BACH2: variants seen among roughly 807,000 people sequenced by gnomAD.
BACH2 encodes the protein transcription regulator protein BACH2.
A neutral mutation model predicts 61.8 loss-of-function variants in BACH2; 5 were observed. The observed-to-expected ratio is 0.08, with a 90% CI of 0.04 to 0.17. BACH2 has a LOEUF of 0.17. Ranked by LOEUF, BACH2 falls within the 10% of genes least tolerant of loss-of-function variation. BACH2 has a pLI of 1.00. For missense variants in BACH2, 824 were observed against 1,091.1 expected, an observed-to-expected ratio of 0.76 and a Z score of 3.45; for synonymous variants, 446 against 440.1, an observed-to-expected ratio of 1.01 and a Z score of -0.17.
intron 5 of BACH2, among the ~76,000 whole-genome samples, chr6:90,037,100 G>T (rs1348264182): frequency 6.6e-6 from 1 of 152,104 alleles, no homozygotes; most frequent in African/African-American, 2.4e-5. Context: ...AGAACCATGG[G>T]ATTCATTATA....
At chr6:89,958,916 T>C (rs1437867090) in intron 6 of BACH2, among the ~76,000 whole-genome samples, 2 of 152,154 alleles carry the variant, frequency 1.3e-5, no homozygotes, top group Admixed American at 1.3e-4. Context: ...GGCTAGATGG[T>C]TTGCAGGGCC....
At chr6:90,167,246 T>C (rs950846803) in intron 4 of BACH2, among the ~76,000 whole-genome samples, 3 of 152,172 alleles carry the variant, frequency 2.0e-5, no homozygotes, top group African/African-American at 7.2e-5. Flanking sequence ...GAGTAAAATG[T>C]TTTAAAAAAC....
At chr6:90,039,763 C>T (rs1247398309) in intron 5 of BACH2, among the ~76,000 whole-genome samples, 1 of 152,104 alleles carries the variant, frequency 6.6e-6, no homozygotes, top group Non-Finnish European at 1.5e-5. Flanking sequence ...AAAACCCCTG[C>T]CTGTTTGGCA....
At chr6:90,065,997 C>T (rs1160239429) in intron 5 of BACH2, among the ~76,000 whole-genome samples, 1 of 152,182 alleles carries the variant, frequency 6.6e-6, no homozygotes, top group Non-Finnish European at 1.5e-5. Flanking sequence ...TAGAATATGA[C>T]AGTTCCCTAA....
intron 7 of BACH2, among the ~76,000 whole-genome samples, chr6:89,944,910 CTG>C (rs1773639860): frequency 6.6e-6 from 1 of 152,126 alleles, no homozygotes; most frequent in East Asian, 1.9e-4. Flanking sequence ...TGGAAAATGA[CTG>C]TAATTTTCTA....
chr6:90,033,339 C>T (rs527951142), intron 5 of BACH2, among the ~76,000 whole-genome samples: 2 of 148,198 alleles, frequency 1.3e-5, no homozygotes, highest in East Asian at 3.9e-4. Context: ...CACATGTACC[C>T]TGAAACTTAA....
intron 5 of BACH2, among the ~76,000 whole-genome samples, chr6:90,047,082 C>T (rs1436936999): frequency 6.6e-6 from 1 of 152,176 alleles, no homozygotes; most frequent in African/African-American, 2.4e-5. Context: ...AGGCATCTGC[C>T]ATTACGCAGG....
intron 5 of BACH2, among the ~76,000 whole-genome samples, chr6:90,028,198 G>T (rs1044213539): frequency 6.6e-6 from 1 of 152,152 alleles, no homozygotes; most frequent in Non-Finnish European, 1.5e-5. Context: ...TACTCTGCTC[G>T]CATCAGGAAT....
chr6:90,149,740 A>G (rs1325100877), intron 4 of BACH2, among the ~76,000 whole-genome samples: 1 of 152,208 alleles, frequency 6.6e-6, no homozygotes, highest in East Asian at 1.9e-4. Flanking sequence ...CTCTAAAGGT[A>G]TCAAGAAATG....
intron 2 of BACH2, among the ~76,000 whole-genome samples, chr6:90,255,521 T>C (rs1562528439): frequency 6.6e-6 from 1 of 152,056 alleles, no homozygotes; most frequent in Non-Finnish European, 1.5e-5. Flanking sequence ...GGCATTTGAG[T>C]TGGGCCTGAG....
At chr6:90,053,506 T>C (rs1057166667) in intron 5 of BACH2, among the ~76,000 whole-genome samples, 1 of 152,198 alleles carries the variant, frequency 6.6e-6, no homozygotes, top group Admixed American at 6.5e-5. Flanking sequence ...GGTCTTGAAC[T>C]GGCCTCAAGC....
At chr6:90,234,287 CACAA>C (rs895519752) in intron 3 of BACH2, among the ~76,000 whole-genome samples, 3 of 152,232 alleles carry the variant, frequency 2.0e-5, no homozygotes, top group Admixed American at 1.3e-4. Context: ...GTCATTTCCT[CACAA>C]ACAGATTCAG....
intron 3 of BACH2, among the ~76,000 whole-genome samples, chr6:90,251,581 AC>A (rs1439792327): frequency 3.1e-5 from 3 of 96,270 alleles, no homozygotes; most frequent in African/African-American, 8.1e-5. Flanking sequence ...AAAAGAGAGA[AC>A]CCTTTTGCTT....
chr6:90,055,717 C>A (rs1780305959), intron 5 of BACH2, among the ~76,000 whole-genome samples: 1 of 151,800 alleles, frequency 6.6e-6, no homozygotes, highest in South Asian at 2.1e-4. Flanking sequence ...TTAAGGGCAG[C>A]CAGAGAGAAA....
chr6:89,989,843 G>A (rs747169877), intron 6 of BACH2, among the ~76,000 whole-genome samples: 1 of 152,182 alleles, frequency 6.6e-6, no homozygotes, highest in Non-Finnish European at 1.5e-5. Context: ...AGAGGCAATG[G>A]AATGCGAATG....
chr6:90,049,552 T>C (rs1021719103), intron 5 of BACH2, among the ~76,000 whole-genome samples: 10 of 152,144 alleles, frequency 6.6e-5, no homozygotes, highest in African/African-American at 2.4e-4. Flanking sequence ...CTGTATGTCT[T>C]TTTCACAGTG....
intron 6 of BACH2, among the ~76,000 whole-genome samples, chr6:90,003,983 C>T (rs111736183): frequency 5.7e-3 from 870 of 152,294 alleles, no homozygotes; most frequent in Non-Finnish European, 8.9e-3. Flanking sequence ...TGTGCTGTGG[C>T]GTTAACTACT....
intron 5 of BACH2, among the ~76,000 whole-genome samples, chr6:90,040,598 C>T (rs1779486334): frequency 6.6e-6 from 1 of 151,762 alleles, no homozygotes; most frequent in Non-Finnish European, 1.5e-5. Flanking sequence ...ACTGCATTCA[C>T]ATTAAATTTG....
At chr6:89,947,596 C>T (rs372722137) in intron 7 of BACH2, among the ~76,000 whole-genome samples, 35 of 151,290 alleles carry the variant, frequency 2.3e-4, no homozygotes, top group Admixed American at 5.9e-4. Context: ...GACAGAGTCT[C>T]GCTCTGTCAC....
Sources: gnomAD v4.1 joint callset for allele counts (sites outside exome capture counted in the v4.1 genomes callset) on GRCh38, gnomAD v4.1.1 for gene constraint, MANE v1.5 for transcripts, NCBI Gene and HGNC (gene_info 2026-07-23, HGNC 2026-07-21) for gene names.